PRKCB: variants seen among roughly 807,000 people sequenced by gnomAD.
The protein encoded by PRKCB is protein kinase C beta type.
A neutral mutation model predicts 81.5 loss-of-function variants in PRKCB; 13 were observed. That is an observed-to-expected ratio of 0.16 (90% CI 0.10 to 0.25). The LOEUF is 0.25. Among genes scored for constraint, PRKCB ranks in the 10% least tolerant of loss-of-function variants. The pLI, the probability that PRKCB is intolerant of heterozygous loss-of-function variation, is 1.00. For synonymous variants in PRKCB, 335 were observed against 321.4 expected, an observed-to-expected ratio of 1.04 and a Z score of -0.45; for missense variants, 509 against 875.7, an observed-to-expected ratio of 0.58 and a Z score of 5.29.
chr16:23,993,769 C>T (rs554936565), intron 3 of PRKCB, among the ~76,000 whole-genome samples: 3 of 152,250 alleles, frequency 2.0e-5, no homozygotes, highest in East Asian at 1.9e-4. Context: ...CTTAATGGAT[C>T]GCAGAGTTAC....
intron 8 of PRKCB, among the ~76,000 whole-genome samples, chr16:24,116,106 T>C (rs1966734786): frequency 6.6e-6 from 1 of 152,188 alleles, no homozygotes; most frequent in Non-Finnish European, 1.5e-5. Context: ...TTACGGGGCT[T>C]TGAGTTCTAG....
At chr16:23,851,425 C>G (rs1962471248) in intron 2 of PRKCB, among the ~76,000 whole-genome samples, 1 of 152,138 alleles carries the variant, frequency 6.6e-6, no homozygotes, top group African/African-American at 2.4e-5. Context: ...GCTTTCTATC[C>G]TGTTCCATTG....
intron 3 of PRKCB, among the ~76,000 whole-genome samples, chr16:24,028,910 C>T (rs1965516982): frequency 6.6e-6 from 1 of 152,252 alleles, no homozygotes; most frequent in Non-Finnish European, 1.5e-5. Context: ...CGTGCCTCAC[C>T]CTCCCAAGTA....
intron 2 of PRKCB, among the ~76,000 whole-genome samples, chr16:23,871,896 A>C: frequency 6.7e-6 from 1 of 148,864 alleles, no homozygotes. Flanking sequence ...TTTTCATAGC[A>C]TCTGTAACTG....
chr16:24,096,637 G>A (rs1325432590), intron 7 of PRKCB, among the ~76,000 whole-genome samples: 3 of 118,364 alleles, frequency 2.5e-5, no homozygotes, highest in Non-Finnish European at 5.0e-5. Context: ...ATTTTATTTT[G>A]CTCCCTTCCT....
chr16:23,912,507 CTTTTTTTTT>C (rs1210105406), intron 2 of PRKCB, among the ~76,000 whole-genome samples: 51 of 72,086 alleles, frequency 7.1e-4, no homozygotes, highest in Admixed American at 2.5e-3. Flanking sequence ...TTTCTTTCTT[CTTTTTTTTT>C]TTTTTTTTTT....
chr16:24,035,643 G>T (rs550469299), intron 5 of PRKCB, 96 bp downstream of exon 5: 3 of 1,221,922 alleles, frequency 2.5e-6, no homozygotes, highest in Non-Finnish European at 2.2e-6. Flanking sequence ...TCCAGTGGAG[G>T]GGTGGGGCAG....
chr16:24,094,363 T>C, intron 7 of PRKCB, 66 bp downstream of exon 7: 1 of 1,557,344 alleles, frequency 6.4e-7, no homozygotes, highest in Non-Finnish European at 8.7e-7. Flanking sequence ...GTCAAGTATG[T>C]TTTCCTTTTT....
intron 2 of PRKCB, among the ~76,000 whole-genome samples, chr16:23,860,139 A>G (rs1343795148): frequency 1.3e-5 from 2 of 152,164 alleles, no homozygotes; most frequent in African/African-American, 4.8e-5. Context: ...CTTCATTTTG[A>G]AAAAGGGGTG....
intron 5 of PRKCB, among the ~76,000 whole-genome samples, chr16:24,074,497 C>G (rs1966154327): frequency 1.3e-5 from 2 of 152,142 alleles, no homozygotes; most frequent in Admixed American, 6.5e-5. Flanking sequence ...TAGAATAGTG[C>G]TTGGCTCATA....
At chr16:24,041,195 G>T (rs771396471) in intron 5 of PRKCB, among the ~76,000 whole-genome samples, 1 of 151,112 alleles carries the variant, frequency 6.6e-6, no homozygotes, top group Non-Finnish European at 1.5e-5. Context: ...GACTACAGGC[G>T]CATGCCACCA....
intron 3 of PRKCB, 161 bp from the exon 4 acceptor site, chr16:24,031,975 C>A: frequency 1.8e-6 from 1 of 552,068 alleles, no homozygotes; most frequent in South Asian, 2.4e-5. Context: ...TATCCAGCAC[C>A]GTTTCTGGGC....
chr16:24,153,756 C>T (rs115308383), intron 9 of PRKCB, among the ~76,000 whole-genome samples: 126 of 152,270 alleles, frequency 8.3e-4, no homozygotes, highest in African/African-American at 3.0e-3. Flanking sequence ...TAGAAGGAAG[C>T]CCCAAGACAA....
chr16:24,152,272 C>A (rs1311211589), intron 9 of PRKCB, among the ~76,000 whole-genome samples: 5 of 152,144 alleles, frequency 3.3e-5, no homozygotes, highest in Non-Finnish European at 2.9e-5. Context: ...CTTATAAAAT[C>A]ATCCGATCTT....
chr16:24,041,016 G>A (rs1965690271), intron 5 of PRKCB, among the ~76,000 whole-genome samples: 1 of 151,954 alleles, frequency 6.6e-6, no homozygotes, highest in Admixed American at 6.6e-5. Flanking sequence ...ATGCTCCCAA[G>A]GTTTGTGAAG....
At chr16:23,837,272 C>T in intron 1 of PRKCB, 103 bp from the exon 2 acceptor site, 1 of 1,455,564 alleles carries the variant, frequency 6.9e-7, no homozygotes, top group South Asian at 1.1e-5. Context: ...GAGTTTGCAC[C>T]TGGGGTACAG....
At chr16:24,034,260 A>G (rs951887031) in intron 4 of PRKCB, among the ~76,000 whole-genome samples, 6 of 152,062 alleles carry the variant, frequency 3.9e-5, no homozygotes, top group Non-Finnish European at 5.9e-5. Context: ...CCCACAACTC[A>G]TTTCTAGTTT....
rs146187958 is a variant in PRKCB, at chr16:23,853,961, G to T, written c.205+16555G>T. On this transcript the variant is annotated intron_variant, in intron 2 of 16. Transcript: ENST00000643927. ...CTCACAATCATGGCAGAAGGCAAAG[G>T]AAGGTCAAGGCACTTCTTACATGGC... is the stretch of plus-strand genomic sequence containing the variant. Among the ~76,000 whole-genome samples, 57 of 52,948 alleles carry T rather than the reference G, an allele frequency of 1.1e-3. 5 individuals are homozygous for T. Among genetic ancestry groups the T allele is most frequent in the Non-Finnish European group, 1.9e-3 (37 of 19,324 alleles). 34.7% of individuals were successfully genotyped at this position (52,948 alleles called of 152,430 possible).
chr16:24,092,897 C>A lies in PRKCB; in HGVS notation c.636C>A (p.Thr212=), dbSNP rs762695587. The change falls in exon 6 of 17, where the codon ACC becomes ACA. Residue 212 remains threonine, a synonymous_variant. Coordinates refer to ENST00000643927, the MANE Select transcript of PRKCB (RefSeq NM_002738.7). Reference sequence around the variant, plus strand: ...CCAAAAGTGAGAGCAAACAGAAGACCAAAACCATCAAATGCTCCCTCAACC... The same window carrying A: ...CCAAAAGTGAGAGCAAACAGAAGACAAAAACCATCAAATGCTCCCTCAACC... ...PDPKSESKQK[T]KTIKCSLNPE... 5.6e-6 allele frequency: 9 copies of A among 1,613,880 alleles called. No homozygotes were observed. The highest frequency in any genetic ancestry group is 4.5e-5 in the East Asian group (2 of 44,878).
Sources: gnomAD v4.1 joint callset for allele counts (sites outside exome capture counted in the v4.1 genomes callset) on GRCh38, gnomAD v4.1.1 for gene constraint, MANE v1.5 for transcripts, NCBI Gene and HGNC (gene_info 2026-07-23, HGNC 2026-07-21) for gene names.